EML1: variants seen among roughly 807,000 people sequenced by gnomAD.
EML1 encodes echinoderm microtubule-associated protein-like 1.
EML1 carries 27 observed loss-of-function variants against 110.4 expected under a neutral mutation model. The ratio of observed to expected loss-of-function variants is 0.24; its 90% CI spans 0.18 to 0.34. The LOEUF is 0.34. Ranked by LOEUF, EML1 falls within the 10% of genes least tolerant of loss-of-function variation. The pLI is 1.00. For synonymous variants in EML1, 344 were observed against 385.8 expected, an observed-to-expected ratio of 0.89 and a Z score of 1.27; for missense variants, 741 against 1,030.9, an observed-to-expected ratio of 0.72 and a Z score of 3.85.
At position 99,808,872 on chromosome 14, in the gene EML1, A is replaced by G. The variant is rs182115194; in HGVS notation, c.67+15329A>G. Among the ~76,000 whole-genome samples, 42 of 152,310 alleles carry G rather than the reference A, an allele frequency of 2.8e-4. No individual in the cohort carries two copies. The East Asian group carries it at 4.4e-3, about 16-fold the overall frequency. ...TAAAGCACCTTCAGATCTGTTTCTC[A>G]CTTAATTCTCACAACCAAACTCTAA... is the stretch of plus-strand genomic sequence containing the variant. On this transcript the variant is annotated intron_variant, in intron 1 of 21. Coordinates refer to ENST00000262233, the MANE Select transcript of EML1 (RefSeq NM_004434.3).
At chr14:99,911,628 C>A in intron 13 of EML1, 52 bp downstream of exon 13, 2 of 1,567,702 alleles carry the variant, frequency 1.3e-6, no homozygotes, top group Non-Finnish European at 1.7e-6. Flanking sequence ...AAACTGTTAT[C>A]CTTTTTTTAT....
chr14:99,823,463 A>G (rs1000648930), intron 1 of EML1, among the ~76,000 whole-genome samples: 4 of 152,144 alleles, frequency 2.6e-5, no homozygotes, highest in African/African-American at 9.6e-5. Context: ...TCTGAGCCTG[A>G]ATTTCTGTGA....
At chr14:99,910,870 C>T (rs1044386114) in intron 12 of EML1, among the ~76,000 whole-genome samples, 2 of 152,132 alleles carry the variant, frequency 1.3e-5, no homozygotes, top group African/African-American at 4.8e-5. Context: ...TGAGCACTTA[C>T]CCCGTGACAA....
intron 4 of EML1, among the ~76,000 whole-genome samples, chr14:99,881,075 C>T (rs1276058218): frequency 6.6e-6 from 1 of 152,186 alleles, no homozygotes; most frequent in Non-Finnish European, 1.5e-5. Context: ...TTGTGAAGCT[C>T]ACAGTTCTTA....
At position 99,936,464 on chromosome 14, in the gene EML1, T is replaced by G. The variant is rs2060473398; in HGVS notation, c.2095+130T>G. ...GTGCCATCATCTCTAGGTCATGGTT[T>G]CCGCCTCTGTAACGTAGGGGAGTGG... On this transcript the variant is annotated intron_variant, in intron 19 of 21. Transcript: ENST00000262233. The surrounding 1 kb of genome is among the most constrained non-coding windows in gnomAD (Gnocchi z 5.5). 3.6e-6 allele frequency: 3 copies of G among 824,920 alleles called. No homozygotes were observed. The Admixed American group carries it at 7.2e-5, about 20-fold the overall frequency. 51.1% of individuals were successfully genotyped at this position (824,920 alleles called of 1,614,324 possible). A position where few individuals can be genotyped will look rare whatever the true frequency, so the allele number is the denominator to read the frequency against.
chr14:99,781,828 C>T lies in EML1; in HGVS notation c.-27+7815C>T, dbSNP rs2057543231. ...GAGTATGCATTTCTAGCCTCTTTCC[C>T]GCCTCCTCTCCATACCTCTCATCTC... On this transcript the variant is annotated intron_variant, in intron 1 of 22. Transcript: ENST00000327921. This position sits in a 1 kb window ranked among gnomAD's most constrained non-coding sequence, Gnocchi z 4.2. 1.3e-5 allele frequency among the ~76,000 whole-genome samples: 2 copies of T among 152,224 alleles called. No homozygotes were observed. Among genetic ancestry groups the T allele is most frequent in the East Asian group, 1.9e-4 (1 of 5,180 alleles).
chr14:99,821,409 T>C (rs1218487253), intron 1 of EML1, among the ~76,000 whole-genome samples: 2 of 152,216 alleles, frequency 1.3e-5, no homozygotes, highest in South Asian at 2.1e-4. Context: ...ATCCCAGCTG[T>C]TGAGAGGCTG....
At chr14:99,771,041 C>T (rs2057423082), upstream of EML1, among the ~76,000 whole-genome samples, 1 of 152,130 alleles carries the variant, frequency 6.6e-6, no homozygotes, top group African/African-American at 2.4e-5. Context: ...GCCTCAGCCT[C>T]CCAAAGTGCT....
At chr14:99,809,057 G>A (rs2058029376) in intron 1 of EML1, among the ~76,000 whole-genome samples, 1 of 152,112 alleles carries the variant, frequency 6.6e-6, no homozygotes, top group Non-Finnish European at 1.5e-5. Context: ...TATACCAAGT[G>A]GCTTTCTATT....
intron 14 of EML1, 45 bp downstream of exon 14, chr14:99,914,349 T>C: frequency 1.9e-6 from 3 of 1,592,862 alleles, no homozygotes; most frequent in Non-Finnish European, 2.6e-6. Flanking sequence ...TCATTTTGCA[T>C]TATATCAGAC....
intron 1 of EML1, chr14:99,850,308 A>G: frequency 7.8e-7 from 1 of 1,289,046 alleles, no homozygotes; most frequent in Non-Finnish European, 1.0e-6. Context: ...AGACCCTGAT[A>G]AGGAGTTGGA....
At chr14:99,772,815 AT>A, upstream of EML1, 1 of 152,198 alleles carries the variant, frequency 6.6e-6, no homozygotes. Flanking sequence ...TGCTAAATTG[AT>A]TTTATGACAC....
rs1264690170 is a variant in EML1, at chr14:99,914,193, T to A, written c.1509T>A (p.Phe503Leu). 6.2e-7 allele frequency: 1 copy of A among 1,610,720 alleles called. No homozygotes were observed. Among genetic ancestry groups the A allele is most frequent in the Non-Finnish European group, 8.5e-7 (1 of 1,177,286 alleles). The change falls in exon 14 of 22, where the codon TTT becomes TTA. Residue 503 changes from phenylalanine to leucine, a missense_variant. Physicochemically the swap from Phe to Leu is conservative, Grantham distance 22 (BLOSUM62 0). This residue lies in a region of EML1 where 388 missense variants were observed against 605.6 expected (regional missense o/e 0.64). Transcript: ENST00000262233. ...TTTCAATGCAGATTCCAGAACAGTTTGGTCCAATACGGACAGTGGCCGAGG... is the reference window on the plus strand; with the variant it reads ...TTTCAATGCAGATTCCAGAACAGTTAGGTCCAATACGGACAGTGGCCGAGG... The part of the protein sequence containing the change: ...KLRKTEIPEQ[F>L]GPIRTVAEGK...
chr14:99,768,448 G>A (rs1489714162), upstream of EML1, among the ~76,000 whole-genome samples: 1 of 152,150 alleles, frequency 6.6e-6, no homozygotes, highest in Non-Finnish European at 1.5e-5. Flanking sequence ...AATGGCCAAA[G>A]GAACTCGGGC....
At position 99,914,162 on chromosome 14, in the gene EML1, A is replaced by G; in HGVS notation, c.1495-17A>G. 1 of 1,592,264 alleles carries G rather than the reference A, an allele frequency of 6.3e-7. No homozygotes were observed. The highest frequency in any genetic ancestry group is 8.6e-7 in the Non-Finnish European group (1 of 1,163,776). ...GAAATTGTACATCTTTTCTTTTCAT[A>G]TGACTTTTCAATGCAGATTCCAGAA... On this transcript the variant is annotated splice_polypyrimidine_tract_variant and intron_variant, in intron 13 of 21. Transcript: ENST00000262233.
At chr14:99,930,123 G>A (rs1183862669) in intron 17 of EML1, among the ~76,000 whole-genome samples, 1 of 152,220 alleles carries the variant, frequency 6.6e-6, no homozygotes, top group Non-Finnish European at 1.5e-5. Flanking sequence ...AGGAGCTTTA[G>A]GAGGAACTGG....
rs578199046 is a variant in EML1, at chr14:99,941,038, C to T, written c.*926C>T. ...TAGACCAAGTCAGAAAGATCTCTCT[C>T]GAGCGTACCATAAACCTGCAGAGAG... On this transcript the variant is annotated 3_prime_UTR_variant, in exon 22 of 22. Coordinates refer to ENST00000262233, the MANE Select transcript of EML1 (RefSeq NM_004434.3). 1 of 152,284 alleles carries T rather than the reference C, an allele frequency of 6.6e-6. No homozygotes were observed. Among genetic ancestry groups the T allele is most frequent in the South Asian group, 2.1e-4 (1 of 4,824 alleles). 9.4% of individuals were successfully genotyped at this position (152,284 alleles called of 1,614,324 possible).
intron 1 of EML1, among the ~76,000 whole-genome samples, chr14:99,844,181 T>C (rs1208354677): frequency 6.6e-6 from 1 of 152,144 alleles, no homozygotes; most frequent in Non-Finnish European, 1.5e-5. Flanking sequence ...AAAAATAACT[T>C]GTAAATTTGC....
intron 10 of EML1, among the ~76,000 whole-genome samples, chr14:99,908,763 G>A (rs1191847376): frequency 6.6e-6 from 1 of 152,210 alleles, no homozygotes; most frequent in Non-Finnish European, 1.5e-5. Flanking sequence ...GGTTCACTGA[G>A]CCACAGGCAG....
Sources: gnomAD v4.1 joint callset for allele counts (sites outside exome capture counted in the v4.1 genomes callset) on GRCh38, gnomAD v4.1.1 for gene constraint, gnomAD v4.1.1 regional missense constraint, Gnocchi (gnomAD v3.1) non-coding constraint, MANE v1.5 for transcripts, NCBI Gene and HGNC (gene_info 2026-07-23, HGNC 2026-07-21) for gene names.